FBXO34: variants seen among roughly 807,000 people sequenced by gnomAD.
FBXO34 encodes the protein F-box protein 34.
In FBXO34, 12 loss-of-function variants were observed where a neutral mutation model predicts 24.5. The ratio of observed to expected loss-of-function variants is 0.49; its 90% confidence interval spans 0.31 to 0.79. FBXO34 has a LOEUF of 0.79. FBXO34 is among the 30% of genes least tolerant of loss of function. The pLI is 0.04. For synonymous variants in FBXO34, 320 were observed against 311.9 expected (o/e 1.03, Z -0.27); for missense variants, 823 against 857.7 (o/e 0.96, Z 0.51).
chr14:55,353,386 A>C lies in FBXO34; in HGVS notation c.*860A>C. On this transcript the variant is annotated 3_prime_UTR_variant, in exon 2 of 2. Transcript: ENST00000313833. ...TGTATAATATATGAATGTTTCTGAG[A>C]AGAAACTCTAAATAGTTGAAAGGCT... is the stretch of plus-strand genomic sequence containing the variant. 6.0e-6 allele frequency: 1 copy of C among 167,050 alleles called. No individual in the cohort carries two copies. The highest frequency in any genetic ancestry group is 1.9e-4 in the East Asian group (1 of 5,202). The allele number at this position is 167,050 out of a possible 1,614,324, so 10.3% of individuals were successfully genotyped here.
At chr14:55,438,312 T>C in the FBXO34 span, among the ~76,000 whole-genome samples, 1 of 152,190 alleles carries the variant, frequency 6.6e-6, no homozygotes. Context: ...AGAAAGCACT[T>C]AGAATTAAAA....
intron 1 of FBXO34, among the ~76,000 whole-genome samples, chr14:55,301,488 A>G (rs1882355230): frequency 6.6e-6 from 1 of 152,126 alleles, no homozygotes; most frequent in Non-Finnish European, 1.5e-5. Context: ...AGCATCTAGC[A>G]TTGTTAGGTT....
chr14:55,359,783 C>G (rs1330164399), intron 3 of FBXO34, among the ~76,000 whole-genome samples: 1 of 152,052 alleles, frequency 6.6e-6, no homozygotes, highest in African/African-American at 2.4e-5. Context: ...ATGTTTGTAG[C>G]ATCTTTATCA....
the FBXO34 span, chr14:55,436,693 T>C: frequency 1.2e-6 from 2 of 1,614,172 alleles, no homozygotes; most frequent in Middle Eastern, 1.7e-4. Flanking sequence ...ATCACCAGGG[T>C]GCAGCTGTGA....
At chr14:55,415,960 G>A in the FBXO34 span, among the ~76,000 whole-genome samples, 1,869 of 152,234 alleles carry the variant, frequency 0.012, 11 homozygotes, top group Middle Eastern at 0.024. Flanking sequence ...TGTTTCTTAG[G>A]CTCATCTAAG....
chr14:55,388,522 C>G, the FBXO34 span, among the ~76,000 whole-genome samples: 1 of 152,204 alleles, frequency 6.6e-6, no homozygotes. Flanking sequence ...CAGATCAACT[C>G]AACACTGCAA....
chr14:55,277,222 AT>A (rs1272469538), intron 1 of FBXO34, among the ~76,000 whole-genome samples: 3 of 152,228 alleles, frequency 2.0e-5, no homozygotes, highest in South Asian at 2.1e-4. Flanking sequence ...ACTTGTTCAA[AT>A]GGTCTACTTT....
At chr14:55,311,894 A>G (rs558917927) in intron 1 of FBXO34, among the ~76,000 whole-genome samples, 1 of 152,030 alleles carries the variant, frequency 6.6e-6, no homozygotes, top group South Asian at 2.1e-4. Flanking sequence ...TGCCCAGCTA[A>G]TTATTCATTA....
the FBXO34 span, among the ~76,000 whole-genome samples, chr14:55,415,346 A>T: frequency 6.6e-6 from 1 of 152,224 alleles, no homozygotes; most frequent in Non-Finnish European, 1.5e-5. Context: ...AAGAACTATA[A>T]AGTACATTGC....
downstream of FBXO34, among the ~76,000 whole-genome samples, chr14:55,363,023 C>CTTT (rs398057110): frequency 4.5e-5 from 6 of 132,360 alleles, no homozygotes; most frequent in African/African-American, 1.7e-4. Flanking sequence ...TTCTCTCTCT[C>CTTT]TTTTTTTTTT....
chr14:55,341,073 A>G (rs1883975231), intron 1 of FBXO34, among the ~76,000 whole-genome samples: 1 of 152,252 alleles, frequency 6.6e-6, no homozygotes, highest in Non-Finnish European at 1.5e-5. Flanking sequence ...CGCGATAAGT[A>G]TAGGGATCAC....
In FBXO34 at chr14:55,353,278, T is replaced by G. The variant is rs78257864; in HGVS notation, c.*752T>G. On this transcript the variant is annotated 3_prime_UTR_variant, in exon 2 of 2. Transcript: ENST00000313833. Reference sequence around the variant, plus strand: ...TAGTGTTGCGGCTATAATTTTGTGTTTTTTTTTTTTAATTGTCTAGTCTTA... The same window carrying G: ...TAGTGTTGCGGCTATAATTTTGTGTGTTTTTTTTTTAATTGTCTAGTCTTA... The G allele has an allele frequency of 3.5e-4, 20 of 56,764 alleles. No homozygotes were observed. The highest frequency in any genetic ancestry group is 6.9e-3 in the Middle Eastern group (1 of 144). 3.5% of individuals were successfully genotyped at this position (56,764 alleles called of 1,614,324 possible).
At chr14:55,429,083 A>G in the FBXO34 span, 134 of 1,355,364 alleles carry the variant, frequency 9.9e-5, 3 homozygotes, top group East Asian at 1.0e-3. Context: ...TTCAATGTAT[A>G]CTATGAAGCT....
rs866360193 is a variant in FBXO34, at chr14:55,310,847, A to G, written c.-11+39310A>G. On this transcript the variant is annotated intron_variant, in intron 1 of 1. Coordinates refer to ENST00000313833, the MANE Select transcript of FBXO34 (RefSeq NM_017943.4). ...ATGACCATCATCCAGTTTGGAGGTA[A>G]ATACAAGATGTGATAGCGTTTTCTT... 2.0e-5 allele frequency among the ~76,000 whole-genome samples: 3 copies of G among 152,330 alleles called. No homozygotes were observed. The South Asian group carries it at 6.2e-4, about 32-fold the overall frequency.
At chr14:55,441,926 C>T in the FBXO34 span, among the ~76,000 whole-genome samples, 1 of 151,868 alleles carries the variant, frequency 6.6e-6, no homozygotes, top group East Asian at 2.0e-4. Flanking sequence ...CCATGCCCAG[C>T]TAATTTTTGT....
the FBXO34 span, among the ~76,000 whole-genome samples, chr14:55,442,749 G>C: frequency 2.0e-5 from 3 of 152,264 alleles, no homozygotes; most frequent in Admixed American, 6.5e-5. Context: ...CTGCCTAGTA[G>C]CTCAAATATT....
intron 1 of FBXO34, among the ~76,000 whole-genome samples, chr14:55,293,954 C>T (rs1437740516): frequency 1.3e-5 from 2 of 151,710 alleles, no homozygotes; most frequent in African/African-American, 2.4e-5. Context: ...TGGTGTTAAT[C>T]GGGTACGCAT....
intron 1 of FBXO34, among the ~76,000 whole-genome samples, chr14:55,326,804 A>G (rs1364583242): frequency 2.0e-5 from 3 of 152,256 alleles, no homozygotes; most frequent in African/African-American, 7.2e-5. Flanking sequence ...GAAAACTCTC[A>G]ATAATACAAA....
downstream of FBXO34, chr14:55,369,906 G>A (rs1884775714): frequency 1.9e-6 from 3 of 1,611,190 alleles, no homozygotes; most frequent in Non-Finnish European, 1.7e-6. Flanking sequence ...AGGTCTGCTC[G>A]TACTTCAAAG....
Sources: allele counts gnomAD v4.1 joint callset (sites outside exome capture counted in the v4.1 genomes callset), GRCh38; gene constraint gnomAD v4.1.1; transcripts MANE v1.5; gene names NCBI Gene and HGNC (gene_info 2026-07-23, HGNC 2026-07-21).